The following UNC80 variants were observed in gnomAD, a reference collection of about 807,000 sequenced individuals.
The protein encoded by UNC80 is protein unc-80 homolog.
A neutral mutation model predicts 384.6 loss-of-function variants in UNC80; 164 were observed. The observed-to-expected ratio is 0.43, with a 90% CI of 0.38 to 0.49. The LOEUF (loss-of-function observed/expected upper bound fraction) is 0.49. Ranked by LOEUF, UNC80 falls within the 20% of genes least tolerant of loss-of-function variation. UNC80 has a pLI of 0.00. For missense variants in UNC80, 3,330 were observed against 4,143.0 expected (o/e 0.80, Z 5.39); for synonymous variants, 1,486 against 1,527.8 (o/e 0.97, Z 0.64).
intron 27 of UNC80, 42 bp from the exon 28 acceptor site, chr2:209,896,271 A>G: frequency 6.6e-7 from 1 of 1,518,022 alleles, no homozygotes; most frequent in Non-Finnish European, 9.0e-7. Context: ...CTCTCCAGGG[A>G]GACCGAACAC....
intron 13 of UNC80, 31 bp from the exon 14 acceptor site, chr2:209,825,876 C>G: frequency 6.7e-7 from 1 of 1,499,592 alleles, no homozygotes; most frequent in Non-Finnish European, 8.9e-7. Flanking sequence ...AGTAAACAGA[C>G]TTTTCTTTCT....
chr2:209,821,316 C>T (rs1252193089), intron 13 of UNC80, among the ~76,000 whole-genome samples: 1 of 152,192 alleles, frequency 6.6e-6, no homozygotes, highest in Non-Finnish European at 1.5e-5. Context: ...ACCATCATGA[C>T]CTCACTTAAC....
At chr2:209,923,818 C>T (rs2090226826) in intron 35 of UNC80, among the ~76,000 whole-genome samples, 3 of 152,080 alleles carry the variant, frequency 2.0e-5, no homozygotes, top group African/African-American at 2.4e-5. Context: ...AACTAAATTA[C>T]GTCTCTTAAA....
At chr2:209,788,085 G>A (rs1574444852) in intron 5 of UNC80, among the ~76,000 whole-genome samples, 1 of 152,118 alleles carries the variant, frequency 6.6e-6, no homozygotes, top group African/African-American at 2.4e-5. Flanking sequence ...AGGAATGCCT[G>A]GCACATAATG....
rs1195716401 is a variant in UNC80, at chr2:209,803,009, T to G, written c.938+9150T>G. On this transcript the variant is annotated intron_variant, in intron 7 of 64. Coordinates refer to ENST00000673920, the MANE Select transcript of UNC80 (RefSeq NM_001371986.1). ...AGCTACCTCAAAATATGGTAGCTGATTTGTTCAAAACCAGCAAGGGAGAGA... is the reference window on the plus strand; with the variant it reads ...AGCTACCTCAAAATATGGTAGCTGAGTTGTTCAAAACCAGCAAGGGAGAGA... Among the ~76,000 whole-genome samples, 4 of 152,212 alleles carry G rather than the reference T, an allele frequency of 2.6e-5. No individual in the cohort carries two copies. In the South Asian group the frequency reaches 6.2e-4, roughly 24 times the overall value.
rs755271366 is a variant in UNC80 at position 209,941,303 on chromosome 2, G to A, written c.6729G>A (p.Pro2243=). The A allele has an allele frequency of 4.9e-5, 76 of 1,548,364 alleles. No individual in the cohort carries two copies. Among genetic ancestry groups the A allele is most frequent in the South Asian group, 3.5e-4 (29 of 83,956 alleles). Residue 2243 remains proline (P), a synonymous_variant, in exon 44 of 65, where the codon CCG becomes CCA. Transcript: ENST00000673920. ...QLLEEMFLGM[P]SEFPWGDEIM... ...TGGAGGAAATGTTCCTGGGCATGCCGAGCGAGTTTCCATGGGGAGACGAAA... is the reference window on the plus strand; with the variant it reads ...TGGAGGAAATGTTCCTGGGCATGCCAAGCGAGTTTCCATGGGGAGACGAAA...
chr2:209,835,045 G>A, intron 18 of UNC80, 35 bp downstream of exon 18: 2 of 1,432,024 alleles, frequency 1.4e-6, no homozygotes, highest in Non-Finnish European at 1.9e-6. Context: ...AGTGCAGACG[G>A]CTATGCACTT....
At chr2:209,949,470 C>T (rs1042191366) in intron 47 of UNC80, among the ~76,000 whole-genome samples, 14 of 151,698 alleles carry the variant, frequency 9.2e-5, no homozygotes, top group African/African-American at 2.4e-4. Flanking sequence ...ACCCACCCCC[C>T]GCTTTTTAAT....
At chr2:209,960,316 C>G (rs2092549493) in intron 51 of UNC80, among the ~76,000 whole-genome samples, 1 of 152,104 alleles carries the variant, frequency 6.6e-6, no homozygotes, top group Non-Finnish European at 1.5e-5. Flanking sequence ...AGGGAAAGGC[C>G]CCAGAATTAC....
rs1428503627 is a variant in UNC80 at position 209,995,677 on chromosome 2, A to G, written c.*82A>G. 2.1e-6 allele frequency: 3 copies of G among 1,461,186 alleles called. No homozygotes were observed. Among genetic ancestry groups the G allele is most frequent in the Non-Finnish European group, 2.7e-6 (3 of 1,093,708 alleles). 90.5% of individuals were successfully genotyped at this position (1,461,186 alleles called of 1,614,324 possible). A position where few individuals can be genotyped will look rare whatever the true frequency, so the allele number is the denominator to read the frequency against. ...TACAAGTTCAATACTTTTGCTTGAA[A>G]AAGATTAATTACAAAATAGCACTTT... On this transcript the variant is annotated 3_prime_UTR_variant, in exon 65 of 65. Coordinates refer to ENST00000673920, the MANE Select transcript of UNC80 (RefSeq NM_001371986.1).
chr2:209,939,562 G>A lies in UNC80; in HGVS notation c.6556G>A (p.Val2186Ile), dbSNP rs779256710. The A allele has an allele frequency of 5.2e-6, 8 of 1,551,694 alleles. No individual in the cohort carries two copies. The highest frequency in any genetic ancestry group is 1.7e-4 in the Middle Eastern group (1 of 5,994). Residue 2186 changes from valine (V) to isoleucine (I), a missense_variant, in exon 43 of 65, where the codon GTC becomes ATC. Coordinates refer to ENST00000673920, the MANE Select transcript of UNC80 (RefSeq NM_001371986.1). ...KIPTAHKQSH[V>I]SMLQEDLLRL... ...CCCCACAGCCCACAAACAGTCCCAC[G>A]TCTCCATGCTTCAGGAAGACCTCCT...
At chr2:209,920,396 C>G (rs191075438) in intron 33 of UNC80, among the ~76,000 whole-genome samples, 33 of 152,308 alleles carry the variant, frequency 2.2e-4, no homozygotes, top group Admixed American at 2.0e-3. Flanking sequence ...GAGAAGAACT[C>G]CAGTGATCAC....
intron 22 of UNC80, among the ~76,000 whole-genome samples, chr2:209,868,436 C>T (rs541081645): frequency 6.6e-6 from 1 of 152,218 alleles, no homozygotes; most frequent in Non-Finnish European, 1.5e-5. Context: ...TATAGTCCTC[C>T]AGGGAAAGGA....
rs545528822 is a variant in UNC80 at position 209,946,326 on chromosome 2, T to C, written c.7286+383T>C. ...TCAAGGCTGCAGTGAGCTGTGATTG[T>C]CCCATTGCACTCTGGCCTAGGCAAC... On this transcript the variant is annotated intron_variant, in intron 47 of 64. Transcript: ENST00000673920. Among the ~76,000 whole-genome samples, 72 of 149,712 alleles carry C rather than the reference T, an allele frequency of 4.8e-4. No individual in the cohort carries two copies. The South Asian group carries it at 4.9e-3, about 10-fold the overall frequency.
In UNC80 at chr2:209,805,595, C is replaced by T. The variant is rs140533536; in HGVS notation, c.939-7985C>T. ...TGGCCATTGGCCAGAGGACACAATTCCTCACCATCTGTGTCTCTCCATAGG... is the reference window on the plus strand; with the variant it reads ...TGGCCATTGGCCAGAGGACACAATTTCTCACCATCTGTGTCTCTCCATAGG... On this transcript the variant is annotated intron_variant, in intron 7 of 64. Transcript: ENST00000673920. Among the ~76,000 whole-genome samples, 39 of 152,298 alleles carry T rather than the reference C, an allele frequency of 2.6e-4. No individual in the cohort carries two copies. In the East Asian group the frequency reaches 2.7e-3, roughly 11 times the overall value.
At chr2:209,947,323 A>G (rs1292019979) in intron 47 of UNC80, among the ~76,000 whole-genome samples, 2 of 152,198 alleles carry the variant, frequency 1.3e-5, no homozygotes, top group Non-Finnish European at 2.9e-5. Context: ...GCAATAATAA[A>G]ATGCATACAG....
chr2:209,927,083 C>A (rs1335890563), intron 36 of UNC80, 97 bp downstream of exon 36: 4 of 1,297,978 alleles, frequency 3.1e-6, no homozygotes, highest in Non-Finnish European at 4.3e-6. Flanking sequence ...CTACTGGCCA[C>A]ATGTTGAACT....
chr2:209,866,533 C>CACACACACATACACACACAG (rs1307214321), intron 22 of UNC80, among the ~76,000 whole-genome samples: 1 of 104,086 alleles, frequency 9.6e-6, no homozygotes, highest in East Asian at 2.6e-4. Flanking sequence ...CACACACACA[C>CACACACACATACACACACAG]AGAGAGAGAG....
At chr2:209,791,819 CAAAAAAAAA>C (rs71043949) in intron 6 of UNC80, among the ~76,000 whole-genome samples, 7 of 52,144 alleles carry the variant, frequency 1.3e-4, no homozygotes, top group African/African-American at 4.6e-4. Flanking sequence ...GACTCCGTCT[CAAAAAAAAA>C]AAAAAAAAAA....
Sources: allele counts gnomAD v4.1 joint callset (sites outside exome capture counted in the v4.1 genomes callset), GRCh38; gene constraint gnomAD v4.1.1; transcripts MANE v1.5; gene names NCBI Gene and HGNC (gene_info 2026-07-23, HGNC 2026-07-21).